Variants in CHD2 observed in about 807,000 individuals in gnomAD.
CHD2 encodes ATP-dependent chromatin remodeler CHD2.
Under a neutral mutation model 243.9 loss-of-function variants are expected in CHD2, and 28 were observed. The ratio of observed to expected loss-of-function variants is 0.11; its 90% confidence interval spans 0.09 to 0.16. CHD2 has a LOEUF of 0.16. Ranked by LOEUF, CHD2 falls within the 10% of genes least tolerant of loss-of-function variation. The pLI, the probability that CHD2 is intolerant of heterozygous loss-of-function variation, is 1.00. For missense variants in CHD2, 1,386 were observed against 2,209.8 expected, an observed-to-expected ratio of 0.63 and a Z score of 7.47; for synonymous variants, 775 against 779.0, an observed-to-expected ratio of 0.99 and a Z score of 0.09.
chr15:93,012,255 C>T (rs2054402842), intron 35 of CHD2, 90 bp from the exon 36 acceptor site: 6 of 778,756 alleles, frequency 7.7e-6, no homozygotes, highest in Non-Finnish European at 1.2e-5. Flanking sequence ...TATACCACAG[C>T]AAAATTTAAT....
At chr15:92,990,002 T>A (rs1348083226) in intron 26 of CHD2, among the ~76,000 whole-genome samples, 1 of 152,222 alleles carries the variant, frequency 6.6e-6, no homozygotes, top group Non-Finnish European at 1.5e-5. Flanking sequence ...TTCAACCTTT[T>A]GTTATTTCCA....
chr15:92,930,013 C>A (rs973254766), intron 5 of CHD2, among the ~76,000 whole-genome samples: 2 of 95,596 alleles, frequency 2.1e-5, no homozygotes, highest in Non-Finnish European at 4.2e-5. Flanking sequence ...ATTACAGAGC[C>A]TTACAGAAAA....
intron 16 of CHD2, among the ~76,000 whole-genome samples, chr15:92,960,891 T>C (rs966071747): frequency 3.3e-5 from 5 of 151,798 alleles, no homozygotes. Context: ...ATTTTTGTAT[T>C]TTTCGTAGAG....
intron 7 of CHD2, 129 bp from the exon 8 acceptor site, chr15:92,941,693 G>A (rs549207572): frequency 5.7e-4 from 505 of 884,076 alleles, no homozygotes; most frequent in South Asian, 3.1e-3. Flanking sequence ...TACTGTAAAT[G>A]GCAGATCTAT....
rs1249621473 is a variant in CHD2, at chr15:92,998,959, C to T, written c.4008+338C>T. Among the ~76,000 whole-genome samples, 3 of 151,930 alleles carry T rather than the reference C, an allele frequency of 2.0e-5. No homozygotes were observed. Among genetic ancestry groups the T allele is most frequent in the East Asian group, 3.9e-4 (2 of 5,178 alleles). On this transcript the variant is annotated intron_variant, in intron 31 of 38. Coordinates refer to ENST00000394196, the MANE Select transcript of CHD2 (RefSeq NM_001271.4). This position sits in a 1 kb window ranked among gnomAD's most constrained non-coding sequence, Gnocchi z 5.1. ...ATTAGCCGGGCGTGGTGGCACACGC[C>T]TGTAATCCCAGCTACTTAGGAGGCT...
intron 17 of CHD2, among the ~76,000 whole-genome samples, chr15:92,968,653 C>T (rs2053799572): frequency 6.6e-6 from 1 of 152,166 alleles, no homozygotes. Context: ...AGCTGAGGAA[C>T]AGTTCATGTA....
rs1057518463 is a variant in CHD2, at chr15:93,024,610, G to A, written c.5392G>A (p.Asp1798Asn). 4 of 1,614,128 alleles carry A rather than the reference G, an allele frequency of 2.5e-6. No homozygotes were observed. Among genetic ancestry groups the A allele is most frequent in the Admixed American group, 1.7e-5 (1 of 60,020 alleles). ...RSPPSQKSPH[D>N]SKSPLDHRSP... ...ACCCCCTTCTCAGAAATCTCCTCAC[G>A]ATTCCAAGTCACCCCTGGATCATAG... Residue 1798 changes from aspartate to asparagine, a missense_variant, in exon 39 of 39, where the codon GAT (aspartate) becomes AAT (asparagine). Asp to Asn is a conservative substitution (Grantham distance 23). Around this residue, in one of 19 missense-constraint regions of CHD2, gnomAD observed 347 missense variants for 341.6 expected, o/e 1.02. Transcript: ENST00000394196.
intron 10 of CHD2, 43 bp downstream of exon 10, chr15:92,944,558 G>C: frequency 9.8e-7 from 1 of 1,017,192 alleles, no homozygotes; most frequent in Non-Finnish European, 1.4e-6. Flanking sequence ...TGAACTTGAG[G>C]AATAGTGGCT....
Position 92,992,216 on chromosome 15 carries a change from A to G in CHD2, c.3456-643A>G, listed in dbSNP as rs544388994. On this transcript the variant is annotated intron_variant, in intron 27 of 38. Transcript: ENST00000394196. ...GGTCCTCTCCATTTGGCGAGGAGGT[A>G]GTGATGTGTAGCATTAAGCCACAGC... is the stretch of plus-strand genomic sequence containing the variant. 4.6e-5 allele frequency among the ~76,000 whole-genome samples: 7 copies of G among 152,294 alleles called. No individual in the cohort carries two copies. In the East Asian group the frequency reaches 1.2e-3, roughly 25 times the overall value.
chr15:92,967,475 C>G lies in CHD2; in HGVS notation c.2151C>G (p.Leu717=). 6.2e-7 allele frequency: 1 copy of G among 1,613,892 alleles called. No homozygotes were observed. Among genetic ancestry groups the G allele is most frequent in the Non-Finnish European group, 8.5e-7 (1 of 1,179,926 alleles). ...TTCCTGCTAAAGTGGAACAGATTCT[C>G]AGGGTGGAGATGTCAGCCCTTCAGA... ...KSLPAKVEQI[L]RVEMSALQKQ... Residue 717 remains leucine (L), a synonymous_variant, in exon 17 of 39, where the codon CTC becomes CTG. Coordinates refer to ENST00000394196, the MANE Select transcript of CHD2 (RefSeq NM_001271.4).
At chr15:92,992,813 A>C in intron 27 of CHD2, 46 bp from the exon 28 acceptor site, 1 of 1,602,056 alleles carries the variant, frequency 6.2e-7, no homozygotes, top group Non-Finnish European at 8.5e-7. Context: ...ACTTAAGAAG[A>C]GTGGGCACAG....
chr15:93,024,330 C>T (rs1391404064), intron 38 of CHD2, 42 bp from the exon 39 acceptor site: 1 of 1,560,532 alleles, frequency 6.4e-7, no homozygotes, highest in South Asian at 1.2e-5. Flanking sequence ...GGATGGGAAT[C>T]TGGCTTCAGT....
intron 5 of CHD2, among the ~76,000 whole-genome samples, chr15:92,934,793 A>G (rs1324358170): frequency 6.6e-6 from 1 of 152,218 alleles, no homozygotes; most frequent in African/African-American, 2.4e-5. Context: ...CCAATTTCAA[A>G]TATACATACA....
rs113713300 is a variant in CHD2, at chr15:92,991,656, A to G, written c.3455+139A>G. 5.6e-5 allele frequency: 31 copies of G among 556,656 alleles called. 2 individuals carry two copies. Among genetic ancestry groups the G allele is most frequent in the African/African-American group, 2.7e-4 (14 of 51,032 alleles). 34.5% of individuals were successfully genotyped at this position (556,656 alleles called of 1,614,324 possible). ...TGGAAACATTTATTTACAAACATTT[A>G]TATATTGGGTGCCTGTTCATTCATG... On this transcript the variant is annotated intron_variant, in intron 27 of 38. Coordinates refer to ENST00000394196, the MANE Select transcript of CHD2 (RefSeq NM_001271.4).
At chr15:92,948,369 C>T (rs553309569) in intron 12 of CHD2, among the ~76,000 whole-genome samples, 8 of 152,158 alleles carry the variant, frequency 5.3e-5, no homozygotes. Flanking sequence ...CTCTGACTGC[C>T]ATATAATAGA....
At chr15:92,982,588 C>T (rs963928363) in intron 24 of CHD2, among the ~76,000 whole-genome samples, 2 of 152,102 alleles carry the variant, frequency 1.3e-5, no homozygotes, top group African/African-American at 2.4e-5. Flanking sequence ...GAAGGATTGA[C>T]CATGGGTTGA....
intron 2 of CHD2, among the ~76,000 whole-genome samples, chr15:92,917,728 C>T (rs980572584): frequency 2.6e-5 from 4 of 152,150 alleles, no homozygotes; most frequent in East Asian, 1.9e-4. Context: ...TGATACCTAA[C>T]GCTGATAGTT....
chr15:93,012,309 C>G, intron 35 of CHD2, 36 bp from the exon 36 acceptor site: 1 of 1,471,678 alleles, frequency 6.8e-7, no homozygotes. Flanking sequence ...TTTTCTAATT[C>G]TATAATTCAC....
intron 16 of CHD2, among the ~76,000 whole-genome samples, chr15:92,960,137 AT>A (rs2053666379): frequency 6.6e-6 from 1 of 152,208 alleles, no homozygotes; most frequent in Admixed American, 6.5e-5. Context: ...ATTTTTAAAA[AT>A]ATAACCTATT....
Sources: allele counts gnomAD v4.1 joint callset (sites outside exome capture counted in the v4.1 genomes callset), GRCh38; gene constraint gnomAD v4.1.1; regional missense constraint gnomAD v4.1.1; non-coding constraint Gnocchi (gnomAD v3.1); transcripts MANE v1.5; gene names NCBI Gene and HGNC (gene_info 2026-07-23, HGNC 2026-07-21).